The following PLPP6 variants were observed in gnomAD, a reference collection of about 807,000 sequenced individuals.
PLPP6 encodes phospholipid phosphatase 6, also known as polyisoprenoid diphosphate/phosphate phosphohydrolase PLPP6.
PLPP6 carries 16 observed loss-of-function variants against 16.5 expected under a neutral mutation model. The ratio of observed to expected loss-of-function variants is 0.97; its 90% confidence interval spans 0.66 to 1.47. The LOEUF (loss-of-function observed/expected upper bound fraction) is 1.47, where lower values mean the gene tolerates loss of function less well. Ranked by LOEUF, PLPP6 falls within the 40% of genes most tolerant of loss-of-function variation. PLPP6 has a pLI of 0.00. For missense variants in PLPP6, 512 were observed against 396.6 expected (o/e 1.29, Z -2.47); for synonymous variants, 226 against 188.1 (o/e 1.20, Z -1.65).
At position 4,662,760 on chromosome 9, in the gene PLPP6, A is replaced by T. The variant is rs1194357674; in HGVS notation, c.385A>T (p.Ser129Cys). The T allele has an allele frequency of 1.2e-6, 2 of 1,604,452 alleles. No homozygotes were observed. Among genetic ancestry groups the T allele is most frequent in the East Asian group, 4.5e-5 (2 of 44,860 alleles). ...CGCGGGAGAGAGCTCGTCGTGGGGC[A>T]GCGTGCGACCCCTTATGAAGCTGCT... is the stretch of plus-strand genomic sequence containing the variant. Reference protein sequence around the residue: ...VCAGESSSWGSVRPLMKLLEI... With the variant: ...VCAGESSSWGCVRPLMKLLEI... Residue 129 changes from serine (S) to cysteine (C), a missense_variant, in exon 1 of 1, where the codon AGC becomes TGC. Ser to Cys is a moderately radical substitution (Grantham distance 112). Transcript: ENST00000381883. This position sits in a 1 kb window ranked among gnomAD's most constrained non-coding sequence, Gnocchi z 4.9.
Position 4,663,337 on chromosome 9 carries a change from C to A in PLPP6, c.*74C>A. On this transcript the variant is annotated 3_prime_UTR_variant, in exon 1 of 1. Transcript: ENST00000381883. ...CGATGATGTCAACCTAAACCAGCAG[C>A]CATCCCGCTTGTCCCTCTTAGGCAT... 1 of 1,472,412 alleles carries A rather than the reference C, an allele frequency of 6.8e-7. No individual in the cohort carries two copies. The highest frequency in any genetic ancestry group is 2.3e-5 in the East Asian group (1 of 43,966). The allele number at this position is 1,472,412 out of a possible 1,614,324, so 91.2% of individuals were successfully genotyped here.
Position 4,663,329 on chromosome 9 carries a change from A to C in PLPP6, c.*66A>C. On this transcript the variant is annotated 3_prime_UTR_variant, in exon 1 of 1. Transcript: ENST00000381883. ...TCCACATTCGATGATGTCAACCTAAACCAGCAGCCATCCCGCTTGTCCCTC... is the reference window on the plus strand; with the variant it reads ...TCCACATTCGATGATGTCAACCTAACCCAGCAGCCATCCCGCTTGTCCCTC... 1 of 1,501,884 alleles carries C rather than the reference A, an allele frequency of 6.7e-7. No individual in the cohort carries two copies. The highest frequency in any genetic ancestry group is 9.1e-7 in the Non-Finnish European group (1 of 1,098,732). The allele number at this position is 1,501,884 out of a possible 1,614,324, so 93.0% of individuals were successfully genotyped here.
rs1037801168 is a variant in PLPP6, at chr9:4,662,482, G to C, written c.107G>C (p.Ser36Thr). ...GCCCATGGCGGCGGTGGCGGCGGCA[G>C]CAGGTTTGAGTTCCAGTCCCTGCTC... ...SPAHGGGGGG[S>T]RFEFQSLLSS... Residue 36 changes from serine (S) to threonine (T), a missense_variant, in exon 1 of 1, where the codon AGC (serine) becomes ACC (threonine). By Grantham distance (58) the Ser-to-Thr change is moderately conservative. Transcript: ENST00000381883. The surrounding 1 kb of genome is among the most constrained non-coding windows in gnomAD (Gnocchi z 4.9). 5 of 1,553,572 alleles carry C rather than the reference G, an allele frequency of 3.2e-6. No individual in the cohort carries two copies. Among genetic ancestry groups the C allele is most frequent in the Non-Finnish European group, 3.5e-6 (4 of 1,159,380 alleles).
Position 4,662,365 on chromosome 9 carries a change from C to A in PLPP6, c.-11C>A, listed in dbSNP as rs71496487. Reference sequence around the variant, plus strand: ...TCCGGCCAGGTCCCGGGATCCGGGCCGCCAGCTGCGATGCCAAGTCCCCGG... The same window carrying A: ...TCCGGCCAGGTCCCGGGATCCGGGCAGCCAGCTGCGATGCCAAGTCCCCGG... On this transcript the variant is annotated 5_prime_UTR_variant, in exon 1 of 1. Coordinates refer to ENST00000381883, the MANE Select transcript of PLPP6 (RefSeq NM_203453.5). This position sits in a 1 kb window ranked among gnomAD's most constrained non-coding sequence, Gnocchi z 4.9. The A allele has an allele frequency of 0.022, 32,689 of 1,497,212 alleles. 444 individuals carry two copies. The highest frequency in any genetic ancestry group is 0.026 in the Non-Finnish European group (29,580 of 1,131,116). The allele number at this position is 1,497,212 out of a possible 1,614,324, so 92.7% of individuals were successfully genotyped here.
chr9:4,662,682 C>T lies in PLPP6; in HGVS notation c.307C>T (p.Leu103=). ...DLNPSFLGIA[L]RSLLAIDLWL... ...GAACCCGTCCTTCCTGGGCATCGCCCTGCGCTCCCTGCTGGCCATCGACCT... is the reference window on the plus strand; with the variant it reads ...GAACCCGTCCTTCCTGGGCATCGCCTTGCGCTCCCTGCTGGCCATCGACCT... Residue 103 remains leucine, a synonymous_variant, in exon 1 of 1, where the codon CTG becomes TTG. Transcript: ENST00000381883. This position sits in a 1 kb window ranked among gnomAD's most constrained non-coding sequence, Gnocchi z 4.9. The T allele has an allele frequency of 6.2e-7, 1 of 1,600,726 alleles. No homozygotes were observed.
Position 4,662,558 on chromosome 9 carries a change from GGA to G in PLPP6, c.187_188del (p.Ser63ProfsTer221), listed in dbSNP as rs1563745115. On this transcript the variant is annotated frameshift_variant, in exon 1 of 1. Transcript: ENST00000381883. LOFTEE classifies it high-confidence loss of function. This position sits in a 1 kb window ranked among gnomAD's most constrained non-coding sequence, Gnocchi z 4.9. Reference sequence around the variant, plus strand: ...CCACCTGCGCCCGGCTCCGTGCATCGGAGAGCCCAGTTCACCGCCGCGGCTCC... The same window carrying G: ...CCACCTGCGCCCGGCTCCGTGCATCGGAGCCCAGTTCACCGCCGCGGCTCC... ...DPTCARLRAS[E>X]SPVHRRGSFP... The G allele has an allele frequency of 4.4e-6, 7 of 1,581,366 alleles. No homozygotes were observed. In the South Asian group the frequency reaches 7.9e-5, roughly 18 times the overall value.
At position 4,662,666 on chromosome 9, in the gene PLPP6, C is replaced by T. The variant is rs773562703; in HGVS notation, c.291C>T (p.Ser97=). The T allele has an allele frequency of 6.2e-6, 10 of 1,600,128 alleles. No homozygotes were observed. The highest frequency in any genetic ancestry group is 8.5e-6 in the Non-Finnish European group (10 of 1,179,864). Residue 97 remains serine (S), a synonymous_variant, in exon 1 of 1, where the codon TCC becomes TCT. Coordinates refer to ENST00000381883, the MANE Select transcript of PLPP6 (RefSeq NM_203453.5). This position sits in a 1 kb window ranked among gnomAD's most constrained non-coding sequence, Gnocchi z 4.9. ...AGGACCGCATGGACTTGAACCCGTC[C>T]TTCCTGGGCATCGCCCTGCGCTCCC... ...PEEDRMDLNP[S]FLGIALRSLL... is the part of the protein sequence containing the mutation.
chr9:4,662,522 G>T lies in PLPP6; in HGVS notation c.147G>T (p.Thr49=), dbSNP rs774851123. The T allele has an allele frequency of 1.3e-6, 2 of 1,558,472 alleles. No homozygotes were observed. The highest frequency in any genetic ancestry group is 1.4e-5 in the African/African-American group (1 of 73,650). ...EFQSLLSSRA[T]AVDPTCARLR... is the part of the protein sequence containing the mutation. ...AGTCCCTGCTCAGCAGCCGCGCCAC[G>T]GCCGTGGACCCCACCTGCGCCCGGC... The change falls in exon 1 of 1, where the codon ACG becomes ACT. Residue 49 remains threonine, a synonymous_variant. Coordinates refer to ENST00000381883, the MANE Select transcript of PLPP6 (RefSeq NM_203453.5). The surrounding 1 kb of genome is among the most constrained non-coding windows in gnomAD (Gnocchi z 4.9).
rs2295961 is a variant in PLPP6 at position 4,664,829 on chromosome 9, T to C, written c.*1566T>C. On this transcript the variant is annotated 3_prime_UTR_variant, in exon 1 of 1. Coordinates refer to ENST00000381883, the MANE Select transcript of PLPP6 (RefSeq NM_203453.5). ...GGGCATAGTGAAAAAGGAACAGCCA[T>C]GCCTCAAAATCAAATCATTTGCATT... 19,876 of 167,124 alleles carry C rather than the reference T, an allele frequency of 0.12. 2,495 individuals are homozygous for C. Among genetic ancestry groups the C allele is most frequent in the African/African-American group, 0.32 (13,359 of 41,468 alleles). 10.4% of individuals were successfully genotyped at this position (167,124 alleles called of 1,614,324 possible). A position where few individuals can be genotyped will look rare whatever the true frequency, so the allele number is the denominator to read the frequency against.
At position 4,662,574 on chromosome 9, in the gene PLPP6, CGCCGCGGCTCCTTCCCCCTG is replaced by C. The variant is rs768017375; in HGVS notation, c.208_227del (p.Ser70GlyfsTer208). 16 of 1,587,478 alleles carry C rather than the reference CGCCGCGGCTCCTTCCCCCTG, an allele frequency of 1.0e-5. No individual in the cohort carries two copies. Among genetic ancestry groups the C allele is most frequent in the Non-Finnish European group, 1.4e-5 (16 of 1,175,226 alleles). On this transcript the variant is annotated frameshift_variant, in exon 1 of 1. Transcript: ENST00000381883. LOFTEE classifies it high-confidence loss of function. This position sits in a 1 kb window ranked among gnomAD's most constrained non-coding sequence, Gnocchi z 4.9. ...CCGTGCATCGGAGAGCCCAGTTCAC[CGCCGCGGCTCCTTCCCCCTG>C]GCCGCGGCGGGCCCCTCGCAGTCGC...
chr9:4,663,392 C>A lies in PLPP6; in HGVS notation c.*129C>A. 2.1e-6 allele frequency: 2 copies of A among 966,594 alleles called. No individual in the cohort carries two copies. Among genetic ancestry groups the A allele is most frequent in the Admixed American group, 2.2e-5 (1 of 44,962 alleles). The allele number at this position is 966,594 out of a possible 1,614,324, so 59.9% of individuals were successfully genotyped here. A position where few individuals can be genotyped will look rare whatever the true frequency, so the allele number is the denominator to read the frequency against. On this transcript the variant is annotated 3_prime_UTR_variant, in exon 1 of 1. Transcript: ENST00000381883. ...GGCTTCCTTTGGGATTTCAGGTGTC[C>A]CATGATCTTGATGTGCTGCTAGGCT...
In PLPP6 at chr9:4,663,282, G is replaced by C. The variant is rs377636633; in HGVS notation, c.*19G>C. The C allele has an allele frequency of 6.2e-7, 1 of 1,603,006 alleles. No individual in the cohort carries two copies. The highest frequency in any genetic ancestry group is 1.7e-5 in the Admixed American group (1 of 59,480). On this transcript the variant is annotated 3_prime_UTR_variant, in exon 1 of 1. Coordinates refer to ENST00000381883, the MANE Select transcript of PLPP6 (RefSeq NM_203453.5). ...ACGATGACACCATCTCATTGATTAT[G>C]GCACCAGGAAGTCTGAAGGTTTCCA...
rs1347558586 is a variant in PLPP6 at position 4,663,462 on chromosome 9, G to A, written c.*199G>A. 9 of 575,476 alleles carry A rather than the reference G, an allele frequency of 1.6e-5. No homozygotes were observed. Among genetic ancestry groups the A allele is most frequent in the Non-Finnish European group, 6.1e-6 (2 of 327,362 alleles). 35.6% of individuals were successfully genotyped at this position (575,476 alleles called of 1,614,324 possible). On this transcript the variant is annotated 3_prime_UTR_variant, in exon 1 of 1. Transcript: ENST00000381883. Reference sequence around the variant, plus strand: ...ACTGAACACAGCCATATTAGGGAAAGCAAAAAAACCCAAAAAATCCTCTAT... The same window carrying A: ...ACTGAACACAGCCATATTAGGGAAAACAAAAAAACCCAAAAAATCCTCTAT...
At position 4,662,741 on chromosome 9, in the gene PLPP6, A is replaced by G; in HGVS notation, c.366A>G (p.Gly122=). 1 of 1,603,220 alleles carries G rather than the reference A, an allele frequency of 6.2e-7. No individual in the cohort carries two copies. Among genetic ancestry groups the G allele is most frequent in the African/African-American group, 1.3e-5 (1 of 74,978 alleles). ...CCAAGAAGCTGGGGGTGTGCGCGGGAGAGAGCTCGTCGTGGGGCAGCGTGC... is the reference window on the plus strand; with the variant it reads ...CCAAGAAGCTGGGGGTGTGCGCGGGGGAGAGCTCGTCGTGGGGCAGCGTGC... ...WLSKKLGVCA[G]ESSSWGSVRP... The change falls in exon 1 of 1, where the codon GGA becomes GGG. Residue 122 remains glycine, a synonymous_variant. Transcript: ENST00000381883. The surrounding 1 kb of genome is among the most constrained non-coding windows in gnomAD (Gnocchi z 4.9).
At position 4,662,719 on chromosome 9, in the gene PLPP6, A is replaced by G. The variant is rs920683232; in HGVS notation, c.344A>G (p.Lys115Arg). The stretch of plus-strand genomic sequence containing the variant: ...CTGGCCATCGACCTGTGGCTGTCCA[A>G]GAAGCTGGGGGTGTGCGCGGGAGAG... Reference protein sequence around the residue: ...SLLAIDLWLSKKLGVCAGESS... With the variant: ...SLLAIDLWLSRKLGVCAGESS... Residue 115 changes from lysine to arginine, a missense_variant, in exon 1 of 1, where the codon AAG (lysine) becomes AGG (arginine). By Grantham distance (26) the Lys-to-Arg change is conservative. Transcript: ENST00000381883. The surrounding 1 kb of genome is among the most constrained non-coding windows in gnomAD (Gnocchi z 4.9). The G allele has an allele frequency of 1.9e-6, 3 of 1,602,326 alleles. No individual in the cohort carries two copies. In the South Asian group the frequency reaches 3.3e-5, roughly 18 times the overall value.
In PLPP6 at chr9:4,662,840, C is replaced by G. The variant is rs747435220; in HGVS notation, c.465C>G (p.Cys155Trp). The G allele has an allele frequency of 6.2e-7, 1 of 1,605,160 alleles. No individual in the cohort carries two copies. Among genetic ancestry groups the G allele is most frequent in the Admixed American group, 1.7e-5 (1 of 60,016 alleles). Residue 155 changes from cysteine (C) to tryptophan (W), a missense_variant, in exon 1 of 1, where the codon TGC (cysteine) becomes TGG (tryptophan). Cys to Trp is a radical substitution (Grantham distance 215). Coordinates refer to ENST00000381883, the MANE Select transcript of PLPP6 (RefSeq NM_203453.5). The surrounding 1 kb of genome is among the most constrained non-coding windows in gnomAD (Gnocchi z 4.9). ...TGCTGGGCACCCTCTACTGCCTGTGCAGGAGCGACAGCTGGGCCGGGCGCG... is the reference window on the plus strand; with the variant it reads ...TGCTGGGCACCCTCTACTGCCTGTGGAGGAGCGACAGCTGGGCCGGGCGCG... ...PWLLGTLYCL[C>W]RSDSWAGREV...
Position 4,662,410 on chromosome 9 carries a change from C to A in PLPP6, c.35C>A (p.Pro12Gln), listed in dbSNP as rs760841863. The change falls in exon 1 of 1, where the codon CCG becomes CAG. Residue 12 changes from proline to glutamine, a missense_variant. Physicochemically the swap from Pro to Gln is moderately conservative, Grantham distance 76. Coordinates refer to ENST00000381883, the MANE Select transcript of PLPP6 (RefSeq NM_203453.5). This position sits in a 1 kb window ranked among gnomAD's most constrained non-coding sequence, Gnocchi z 4.9. ...CCCCGGAGGAGCATGGAGGGACGGC[C>A]GCTGGGCGTCTCCGCTTCGAGCAGC... ...PSPRRSMEGR[P>Q]LGVSASSSSS... 2 of 1,536,206 alleles carry A rather than the reference C, an allele frequency of 1.3e-6. No individual in the cohort carries two copies. Among genetic ancestry groups the A allele is most frequent in the African/African-American group, 1.4e-5 (1 of 72,696 alleles).
At position 4,664,796 on chromosome 9, in the gene PLPP6, AGAGT is replaced by A. The variant is rs1840619692; in HGVS notation, c.*1537_*1540del. On this transcript the variant is annotated 3_prime_UTR_variant, in exon 1 of 1. Transcript: ENST00000381883. ...ATTGAGTGAAAGCATGAGCTTGTTC[AGAGT>A]GAGGGGCATAGTGAAAAAGGAACAG... is the stretch of plus-strand genomic sequence containing the variant. The A allele has an allele frequency of 6.0e-6, 1 of 167,126 alleles. No individual in the cohort carries two copies. The highest frequency in any genetic ancestry group is 6.5e-5 in the Admixed American group (1 of 15,278). 10.4% of individuals were successfully genotyped at this position (167,126 alleles called of 1,614,324 possible).
chr9:4,662,345 C>T lies in PLPP6; in HGVS notation c.-31C>T, dbSNP rs1190499165. 1.3e-5 allele frequency: 19 copies of T among 1,478,586 alleles called. No individual in the cohort carries two copies. The highest frequency in any genetic ancestry group is 1.6e-5 in the Non-Finnish European group (18 of 1,121,984). The allele number at this position is 1,478,586 out of a possible 1,614,324, so 91.6% of individuals were successfully genotyped here. On this transcript the variant is annotated 5_prime_UTR_variant, in exon 1 of 1. Coordinates refer to ENST00000381883, the MANE Select transcript of PLPP6 (RefSeq NM_203453.5). The surrounding 1 kb of genome is among the most constrained non-coding windows in gnomAD (Gnocchi z 4.9). ...GCCGGGAAGCCTCTGTTTGGTCCGG[C>T]CAGGTCCCGGGATCCGGGCCGCCAG...
Sources: gnomAD v4.1 joint callset for allele counts on GRCh38, gnomAD v4.1.1 for gene constraint, Gnocchi (gnomAD v3.1) non-coding constraint, MANE v1.5 for transcripts, NCBI Gene and HGNC (gene_info 2026-07-23, HGNC 2026-07-21) for gene names.